The following ERICH1 variants were observed in gnomAD, a reference collection of about 807,000 sequenced individuals.
The protein encoded by ERICH1 is glutamate-rich protein 1.
Under a neutral mutation model 39.6 loss-of-function variants are expected in ERICH1, and 56 were observed. That is an observed-to-expected ratio of 1.41 (90% CI 1.14 to 1.77). ERICH1 has a LOEUF of 1.77. ERICH1 is among the 40% of genes most tolerant of loss of function. ERICH1 has a pLI of 0.00. For synonymous variants in ERICH1, 313 were observed against 223.6 expected, an observed-to-expected ratio of 1.40 and a Z score of -3.57; for missense variants, 826 against 575.4, an observed-to-expected ratio of 1.44 and a Z score of -4.45.
At chr8:650,323 G>A (rs1393447941) in intron 3 of ERICH1, among the ~76,000 whole-genome samples, 1 of 152,240 alleles carries the variant, frequency 6.6e-6, no homozygotes, top group Non-Finnish European at 1.5e-5. Context: ...CAACTTTAGT[G>A]ACACGGTCTC....
At chr8:728,629 G>A (rs555030282) in intron 1 of ERICH1, among the ~76,000 whole-genome samples, 2 of 152,186 alleles carry the variant, frequency 1.3e-5, no homozygotes, top group African/African-American at 4.8e-5. Context: ...TGGGTAGAAT[G>A]GAGGCCATAG....
Position 648,360 on chromosome 8 carries a change from C to G in ERICH1, c.976+20238G>C, listed in dbSNP as rs1452065584. On this transcript the variant is annotated intron_variant, in intron 3 of 3. Coordinates refer to the ERICH1 transcript ENST00000522706. ...ATGGAAACGACTCAAATCCACACAT[C>G]AGGCCCACGGCAAGGATGCTGACTC... Among the ~76,000 whole-genome samples, 3 of 66,686 alleles carry G rather than the reference C, an allele frequency of 4.5e-5. 1 individual carries two copies. The South Asian group carries it at 1.8e-3, about 40-fold the overall frequency. 43.7% of individuals were successfully genotyped at this position (66,686 alleles called of 152,430 possible). A position where few individuals can be genotyped will look rare whatever the true frequency, so the allele number is the denominator to read the frequency against.
chr8:635,862 A>G (rs1798397939), intron 3 of ERICH1, among the ~76,000 whole-genome samples: 1 of 152,214 alleles, frequency 6.6e-6, no homozygotes, highest in Non-Finnish European at 1.5e-5. Context: ...CCAACTCTGG[A>G]TCCAAAACGC....
At chr8:684,141 C>T (rs923913203) in intron 3 of ERICH1, among the ~76,000 whole-genome samples, 1 of 152,016 alleles carries the variant, frequency 6.6e-6, no homozygotes, top group Non-Finnish European at 1.5e-5. Context: ...AAATGGCCAA[C>T]AAAATGATAA....
At chr8:710,065 C>A (rs578095424) in intron 2 of ERICH1, among the ~76,000 whole-genome samples, 36 of 152,310 alleles carry the variant, frequency 2.4e-4, no homozygotes, top group African/African-American at 8.2e-4. Flanking sequence ...AGTGCACATG[C>A]TCCCCATTAT....
chr8:682,571 A>G (rs1806373127), intron 3 of ERICH1, among the ~76,000 whole-genome samples: 1 of 152,204 alleles, frequency 6.6e-6, no homozygotes, highest in African/African-American at 2.4e-5. Context: ...CAGCAGCTGA[A>G]AGCGATGTGA....
intron 2 of ERICH1, among the ~76,000 whole-genome samples, chr8:708,907 C>T (rs183482625): frequency 1.3e-4 from 20 of 151,744 alleles, no homozygotes; most frequent in Middle Eastern, 3.4e-3. Context: ...GTTGCCCAGG[C>T]TGGTCTCCAA....
At chr8:706,548 C>A (rs566175707) in intron 2 of ERICH1, among the ~76,000 whole-genome samples, 1 of 152,028 alleles carries the variant, frequency 6.6e-6, no homozygotes. Flanking sequence ...CTGAGGTGGG[C>A]GGATCACCTG....
intron 3 of ERICH1, among the ~76,000 whole-genome samples, chr8:642,368 A>T (rs1370730955): frequency 3.4e-5 from 4 of 115,966 alleles, no homozygotes; most frequent in Admixed American, 2.3e-4. Context: ...TTTTTGAGAC[A>T]GAGTCTCGCT....
intron 3 of ERICH1, among the ~76,000 whole-genome samples, chr8:642,848 C>T (rs1420551715): frequency 2.0e-5 from 3 of 152,104 alleles, no homozygotes; most frequent in Non-Finnish European, 2.9e-5. Context: ...AATTGAGTGA[C>T]ATCTCTTGCC....
intron 3 of ERICH1, among the ~76,000 whole-genome samples, chr8:625,460 G>T (rs1797551915): frequency 1.3e-5 from 2 of 152,146 alleles, no homozygotes; most frequent in African/African-American, 2.4e-5. Context: ...AGGGGTTGCT[G>T]GGGCTGAGGG....
At position 668,889 on chromosome 8, in the gene ERICH1, G is replaced by A. The variant is rs989089242; in HGVS notation, c.1064-97C>T. 13 of 1,075,334 alleles carry A rather than the reference G, an allele frequency of 1.2e-5. No individual in the cohort carries two copies. The South Asian group carries it at 2.0e-4, about 16-fold the overall frequency. 66.6% of individuals were successfully genotyped at this position (1,075,334 alleles called of 1,614,324 possible). On this transcript the variant is annotated intron_variant, in intron 4 of 5. Coordinates refer to ENST00000262109, the MANE Select transcript of ERICH1 (RefSeq NM_207332.3). ...CTCTTAAGGAAGGTCTCAAACCTAC[G>A]CTTCCACACAGAATGACATATCTGG...
intron 3 of ERICH1, among the ~76,000 whole-genome samples, chr8:655,101 G>A (rs572026669): frequency 8.5e-5 from 13 of 152,166 alleles, no homozygotes; most frequent in African/African-American, 1.4e-4. Flanking sequence ...GGTCTCTGCC[G>A]AGCCCAGATG....
rs1158542470 is a variant in ERICH1 at position 630,311 on chromosome 8, CAG to C, written c.977-15029_977-15028del. Among the ~76,000 whole-genome samples, 84 of 124,862 alleles carry C rather than the reference CAG, an allele frequency of 6.7e-4. 9 individuals are homozygous for C. The highest frequency in any genetic ancestry group is 2.5e-3 in the African/African-American group (79 of 31,474). The allele number at this position is 124,862 out of a possible 152,430, so 81.9% of individuals were successfully genotyped here. On this transcript the variant is annotated intron_variant, in intron 3 of 3. Transcript: ENST00000522706. ...TCACACCCTCCTGTGACCACCCACA[CAG>C]ACAGAGCTGACTCACAACCTCCCGT... is the stretch of plus-strand genomic sequence containing the variant.
At chr8:628,629 T>C (rs1797733254) in intron 3 of ERICH1, among the ~76,000 whole-genome samples, 1 of 152,158 alleles carries the variant, frequency 6.6e-6, no homozygotes, top group African/African-American at 2.4e-5. Flanking sequence ...TTTCTTAACA[T>C]TCTGAAGTCA....
chr8:708,680 A>AGTTTTTTTTTG (rs1813881130), intron 2 of ERICH1, among the ~76,000 whole-genome samples: 1 of 55,134 alleles, frequency 1.8e-5, no homozygotes, highest in East Asian at 5.1e-4. Flanking sequence ...CGGGATAATG[A>AGTTTTTTTTTG]GTTTTTTTTT....
rs776547307 is a variant in ERICH1 at position 673,619 on chromosome 8, C to T, written c.733G>A (p.Ala245Thr). Residue 245 changes from alanine (A) to threonine (T), a missense_variant, in exon 4 of 6, where the codon GCC (alanine) becomes ACC (threonine). Transcript: ENST00000262109. ...GCGTCCGCACCCTCTTCCTGCCTGG[C>T]CCGTGTCAGGTCTTCCTCGCTAGCG... ...ADASEEDLTR[A>T]RQEEGADASE... 1 of 1,556,080 alleles carries T rather than the reference C, an allele frequency of 6.4e-7. No individual in the cohort carries two copies. Among genetic ancestry groups the T allele is most frequent in the Non-Finnish European group, 8.8e-7 (1 of 1,133,430 alleles).
At chr8:660,692 T>A (rs1415818727), downstream of ERICH1, among the ~76,000 whole-genome samples, 2 of 152,234 alleles carry the variant, frequency 1.3e-5, no homozygotes, top group East Asian at 3.8e-4. Flanking sequence ...GAATTCAGTT[T>A]CCTCCATCCC....
chr8:712,420 GTGTTTTGTTT>G (rs138743061), intron 2 of ERICH1, among the ~76,000 whole-genome samples: 1 of 151,554 alleles, frequency 6.6e-6, no homozygotes, highest in Non-Finnish European at 1.5e-5. Context: ...AAATGATACC[GTGTTTTGTTT>G]TGTTTTGTTT....
Sources: allele counts gnomAD v4.1 joint callset (sites outside exome capture counted in the v4.1 genomes callset), GRCh38; gene constraint gnomAD v4.1.1; transcripts MANE v1.5; gene names NCBI Gene and HGNC (gene_info 2026-07-23, HGNC 2026-07-21).